The following PSMB2 variants were observed in gnomAD, a reference collection of about 807,000 sequenced individuals.
PSMB2 encodes the protein proteasome subunit beta type-2.
PSMB2 carries 13 observed loss-of-function variants against 25.7 expected under a neutral mutation model. The observed-to-expected ratio is 0.51, with a 90% confidence interval of 0.33 to 0.80. PSMB2 has a LOEUF of 0.80. Ranked by LOEUF, PSMB2 falls within the 30% of genes least tolerant of loss-of-function variation. PSMB2 has a pLI of 0.02. For synonymous variants in PSMB2, 87 were observed against 96.2 expected (o/e 0.90, Z 0.56); for missense variants, 202 against 259.0 (o/e 0.78, Z 1.51).
chr1:35,641,193 A>AAAATAAAT (rs1339274913), intron 1 of PSMB2, 149 bp downstream of exon 1: 1 of 1,082,724 alleles, frequency 9.2e-7, no homozygotes. Flanking sequence ...CCCTCTCGAA[A>AAAATAAAT]AAATAAATAA....
At chr1:35,610,419 T>G (rs550834880) in intron 3 of PSMB2, among the ~76,000 whole-genome samples, 1 of 151,354 alleles carries the variant, frequency 6.6e-6, no homozygotes, top group Non-Finnish European at 1.5e-5. Flanking sequence ...CAGCCTGGGT[T>G]CAAAAAAAAA....
chr1:35,636,316 G>A lies in PSMB2; in HGVS notation c.208C>T (p.Arg70Ter), dbSNP rs1254481392. The A allele has an allele frequency of 6.2e-7, 1 of 1,613,822 alleles. No homozygotes were observed. The highest frequency in any genetic ancestry group is 8.5e-7 in the Non-Finnish European group (1 of 1,179,908). The change falls in exon 2 of 6, where the codon CGA becomes TGA. Residue 70 changes from arginine (R) to a stop codon, truncating the protein, a stop_gained. Coordinates refer to ENST00000373237, the MANE Select transcript of PSMB2 (RefSeq NM_002794.5). LOFTEE classifies it high-confidence loss of function. ...IQKNVQLYKM[R>*]NGYELSPTAA... is the part of the protein sequence containing the mutation. ...AACTGTAAGTCTTACCCACCATTTC[G>A]CATCTTATAAAGTTGCACGTTTTTC...
Position 35,600,695 on chromosome 1 carries a change from T to C in PSMB2, c.*2572A>G, listed in dbSNP as rs1274813351. The stretch of plus-strand genomic sequence containing the variant: ...GTGAGCTATCTAGGAATGAGTTGAT[T>C]TGGAGCTCAGGAAAGAGATCCAGAT... On this transcript the variant is annotated 3_prime_UTR_variant, in exon 6 of 6. Transcript: ENST00000373237. 2 of 985,160 alleles carry C rather than the reference T, an allele frequency of 2.0e-6. No individual in the cohort carries two copies. Among genetic ancestry groups the C allele is most frequent in the African/African-American group, 3.5e-5 (2 of 57,168 alleles). The allele number at this position is 985,160 out of a possible 1,614,324, so 61.0% of individuals were successfully genotyped here.
chr1:35,640,194 G>A (rs575727200), intron 1 of PSMB2, among the ~76,000 whole-genome samples: 24 of 152,164 alleles, frequency 1.6e-4, no homozygotes, highest in Admixed American at 5.9e-4. Flanking sequence ...GATCAAAGAC[G>A]TGCTACTGTT....
Position 35,631,269 on chromosome 1 carries a change from C to T in PSMB2, c.285+5G>A. 1 of 1,612,758 alleles carries T rather than the reference C, an allele frequency of 6.2e-7. No individual in the cohort carries two copies. Among genetic ancestry groups the T allele is most frequent in the Middle Eastern group, 1.7e-4 (1 of 6,054 alleles). Reference sequence around the variant, plus strand: ...CTATCTAACAATGTCTGATATATTACTTACCCGACTCCGAAGACAGTCAGC... The same window carrying T: ...CTATCTAACAATGTCTGATATATTATTTACCCGACTCCGAAGACAGTCAGC... On this transcript the variant is annotated splice_donor_5th_base_variant and intron_variant, in intron 3 of 5. Coordinates refer to ENST00000373237, the MANE Select transcript of PSMB2 (RefSeq NM_002794.5).
chr1:35,623,788 G>A (rs999851477), intron 3 of PSMB2, among the ~76,000 whole-genome samples: 3 of 152,170 alleles, frequency 2.0e-5, no homozygotes, highest in Non-Finnish European at 2.9e-5. Flanking sequence ...TGCTAACCAC[G>A]TTTGCCAAAA....
intron 2 of PSMB2, among the ~76,000 whole-genome samples, chr1:35,636,036 G>A (rs1424867161): frequency 6.6e-6 from 1 of 152,122 alleles, no homozygotes; most frequent in Non-Finnish European, 1.5e-5. Context: ...ATTAAAATGA[G>A]TTCCTAATTC....
chr1:35,605,154 A>C, intron 5 of PSMB2, 79 bp downstream of exon 5: 1 of 1,435,792 alleles, frequency 7.0e-7, no homozygotes, highest in Non-Finnish European at 9.6e-7. Flanking sequence ...AATCTGAAAA[A>C]ATATAACTGA....
chr1:35,619,749 T>C (rs1650622347), intron 3 of PSMB2, among the ~76,000 whole-genome samples: 1 of 152,236 alleles, frequency 6.6e-6, no homozygotes. Context: ...TTGTAACTTA[T>C]CGTAATTAGA....
chr1:35,622,824 A>AG (rs1650729649), intron 3 of PSMB2, among the ~76,000 whole-genome samples: 1 of 151,878 alleles, frequency 6.6e-6, no homozygotes, highest in African/African-American at 2.4e-5. Flanking sequence ...AAAAAAAAAA[A>AG]AGAAAGAAAA....
intron 3 of PSMB2, 27 bp downstream of exon 3, chr1:35,631,246 AT>A (rs780705068): frequency 6.2e-7 from 1 of 1,601,224 alleles, no homozygotes; most frequent in Non-Finnish European, 8.6e-7. Context: ...TTTCTGCTCT[AT>A]CTAACAATGT....
chr1:35,634,745 T>A (rs1390166994), intron 2 of PSMB2, among the ~76,000 whole-genome samples: 1 of 151,576 alleles, frequency 6.6e-6, no homozygotes, highest in Non-Finnish European at 1.5e-5. Flanking sequence ...AGTCTGATAC[T>A]ACCATCCCTA....
intron 3 of PSMB2, among the ~76,000 whole-genome samples, chr1:35,629,674 G>A (rs924831545): frequency 6.6e-6 from 1 of 152,024 alleles, no homozygotes; most frequent in African/African-American, 2.4e-5. Flanking sequence ...GCCAGATGTG[G>A]TGGTGCACAC....
At chr1:35,622,919 A>G (rs1650732700) in intron 3 of PSMB2, among the ~76,000 whole-genome samples, 1 of 152,108 alleles carries the variant, frequency 6.6e-6, no homozygotes, top group African/African-American at 2.4e-5. Context: ...AAGTGTAATG[A>G]TTCAACAGCC....
chr1:35,609,500 A>C, intron 3 of PSMB2, 92 bp from the exon 4 acceptor site: 1 of 1,181,006 alleles, frequency 8.5e-7, no homozygotes, highest in Non-Finnish European at 1.1e-6. Context: ...TCTTCATGAG[A>C]AAGAAAATAT....
chr1:35,618,515 T>C lies in PSMB2; in HGVS notation c.286-9107A>G, dbSNP rs76118581. Among the ~76,000 whole-genome samples the C allele has an allele frequency of 3.5e-3, 502 of 143,628 alleles. 4 individuals are homozygous for C. Among genetic ancestry groups the C allele is most frequent in the African/African-American group, 0.013 (483 of 38,200 alleles). The allele number at this position is 143,628 out of a possible 152,430, so 94.2% of individuals were successfully genotyped here. On this transcript the variant is annotated intron_variant, in intron 3 of 5. Transcript: ENST00000373237. ...GTATACCTAAGTTGCCATAAGAAAT[T>C]GAGGGTGACATATGTGGTGGGGGGT...
intron 1 of PSMB2, among the ~76,000 whole-genome samples, chr1:35,640,109 C>T (rs778527127): frequency 4.1e-5 from 6 of 147,412 alleles, no homozygotes; most frequent in Non-Finnish European, 8.8e-5. Context: ...ACTATCTATA[C>T]TAAATTACTC....
chr1:35,640,041 T>G (rs1651346824), intron 1 of PSMB2, among the ~76,000 whole-genome samples: 1 of 138,426 alleles, frequency 7.2e-6, no homozygotes, highest in Admixed American at 7.5e-5. Context: ...GTCCAGACAT[T>G]TTGCCCCTAA....
chr1:35,601,048 T>A lies in PSMB2; in HGVS notation c.*2219A>T, dbSNP rs1177819004. On this transcript the variant is annotated 3_prime_UTR_variant, in exon 6 of 6. Transcript: ENST00000373237. ...TCCACTGGGTAGGGCGTCAGAATCA[T>A]CTGTGGCGCTTTTTTTTTTTTTTTT... 3.7e-6 allele frequency: 3 copies of A among 810,788 alleles called. No homozygotes were observed. Among genetic ancestry groups the A allele is most frequent in the Non-Finnish European group, 4.4e-6 (3 of 674,880 alleles). 50.2% of individuals were successfully genotyped at this position (810,788 alleles called of 1,614,324 possible). A position where few individuals can be genotyped will look rare whatever the true frequency, so the allele number is the denominator to read the frequency against.
Sources: allele counts gnomAD v4.1 joint callset (sites outside exome capture counted in the v4.1 genomes callset), GRCh38; gene constraint gnomAD v4.1.1; transcripts MANE v1.5; gene names NCBI Gene and HGNC (gene_info 2026-07-23, HGNC 2026-07-21).